ZNF174: variants seen among roughly 807,000 people sequenced by gnomAD.
ZNF174 encodes AW-1.
In ZNF174, 30 loss-of-function variants were observed where a neutral mutation model predicts 38.7. That is an observed-to-expected ratio of 0.78 (90% confidence interval 0.58 to 1.05). The LOEUF (loss-of-function observed/expected upper bound fraction) is 1.05. Among genes scored for constraint, ZNF174 ranks in the 50% least tolerant of loss-of-function variants. The pLI is 0.00. For synonymous variants in ZNF174, 201 were observed against 181.7 expected (o/e 1.11, Z -0.86); for missense variants, 499 against 495.6 (o/e 1.01, Z -0.06).
intron 1 of ZNF174, among the ~76,000 whole-genome samples, chr16:3,403,435 T>G (rs1224695652): frequency 6.6e-6 from 1 of 151,778 alleles, no homozygotes; most frequent in Non-Finnish European, 1.5e-5. Flanking sequence ...CCTCTCAAAG[T>G]GCTGGGATTA....
intron 1 of ZNF174, 82 bp from the exon 2 acceptor site, chr16:3,404,343 TA>T: frequency 2.2e-6 from 3 of 1,390,142 alleles, no homozygotes; most frequent in Non-Finnish European, 2.9e-6. Flanking sequence ...ATTCCCAAGG[TA>T]AACGGGTCAT....
At chr16:3,403,835 T>C (rs1287677508) in intron 1 of ZNF174, among the ~76,000 whole-genome samples, 1 of 152,198 alleles carries the variant, frequency 6.6e-6, no homozygotes, top group Non-Finnish European at 1.5e-5. Flanking sequence ...CTGGCCAGCG[T>C]TGCCATTGCT....
rs886987864 is a variant in ZNF174 at position 3,409,053 on chromosome 16, C to A, written c.*134C>A. The A allele has an allele frequency of 1.9e-6, 2 of 1,041,196 alleles. No homozygotes were observed. The highest frequency in any genetic ancestry group is 2.8e-6 in the Non-Finnish European group (2 of 717,544). The allele number at this position is 1,041,196 out of a possible 1,614,324, so 64.5% of individuals were successfully genotyped here. ...CCCTTGAGGAATGATGATGCACATT[C>A]TGCTGTGAGGAGGCCCAGAAAAGGC... On this transcript the variant is annotated 3_prime_UTR_variant, in exon 3 of 3. Transcript: ENST00000268655.
intron 2 of ZNF174, among the ~76,000 whole-genome samples, chr16:3,406,851 C>G (rs2034062090): frequency 6.6e-6 from 1 of 152,176 alleles, no homozygotes; most frequent in African/African-American, 2.4e-5. Context: ...TCCAAGGGCA[C>G]AAATATGTAC....
In ZNF174 at chr16:3,404,509, A is replaced by T. The variant is rs2034021980; in HGVS notation, c.486A>T (p.Gln162His). Residue 162 changes from glutamine to histidine, a missense_variant, in exon 2 of 3, where the codon CAA becomes CAT. Gln to His is a conservative substitution (Grantham distance 24). Coordinates refer to ENST00000268655, the MANE Select transcript of ZNF174 (RefSeq NM_003450.3). ...GAGAACAGGAACTGCCAGACTTTCA[A>T]CCGCAGACTCCTAGGAGAGATCTCA... ...QLGEQELPDF[Q>H]PQTPRRDLRE... The T allele has an allele frequency of 6.2e-7, 1 of 1,613,856 alleles. No individual in the cohort carries two copies. The highest frequency in any genetic ancestry group is 1.1e-5 in the South Asian group (1 of 91,082).
chr16:3,404,806 G>C, intron 2 of ZNF174, 158 bp downstream of exon 2: 2 of 1,545,870 alleles, frequency 1.3e-6, no homozygotes, highest in Non-Finnish European at 1.8e-6. Context: ...TAATTAGGAT[G>C]GTGGTGATAC....
At position 3,409,090 on chromosome 16, in the gene ZNF174, CA is replaced by C; in HGVS notation, c.*173del. The C allele has an allele frequency of 2.9e-6, 2 of 697,852 alleles. No homozygotes were observed. Among genetic ancestry groups the C allele is most frequent in the Non-Finnish European group, 4.8e-6 (2 of 418,152 alleles). The allele number at this position is 697,852 out of a possible 1,614,324, so 43.2% of individuals were successfully genotyped here. On this transcript the variant is annotated 3_prime_UTR_variant, in exon 3 of 3. Transcript: ENST00000268655. ...GGCCCAGAAAAGGCCAACCAGGGCC[CA>C]ACCGTGCATGATGACAGGGTGAAGA... is the stretch of plus-strand genomic sequence containing the variant.
At position 3,408,928 on chromosome 16, in the gene ZNF174, C is replaced by T. The variant is rs751248590; in HGVS notation, c.*9C>T. 1.3e-6 allele frequency: 2 copies of T among 1,590,108 alleles called. No individual in the cohort carries two copies. The highest frequency in any genetic ancestry group is 1.7e-6 in the Non-Finnish European group (2 of 1,166,802). On this transcript the variant is annotated 3_prime_UTR_variant, in exon 3 of 3. Coordinates refer to ENST00000268655, the MANE Select transcript of ZNF174 (RefSeq NM_003450.3). ...TTCACCATGGGGACTAAAAGGAGCA[C>T]TCCATGCTTTAGATTCACACGGAAG...
intron 1 of ZNF174, 60 bp downstream of exon 1, chr16:3,402,466 T>TC (rs1180461816): frequency 6.5e-7 from 1 of 1,527,206 alleles, no homozygotes; most frequent in African/African-American, 1.4e-5. Flanking sequence ...TTTTTTTTTT[T>TC]TTCTTTTTTT....
At position 3,401,285 on chromosome 16, in the gene ZNF174, G is replaced by A. The variant is rs902329128; in HGVS notation, c.-720G>A. ...TTCCCGGAGAGGTGAGTCGGCTGCA[G>A]GTGGGTGCGGGGCGCCGGGCTGTTC... On this transcript the variant is annotated 5_prime_UTR_variant, in exon 1 of 3. Transcript: ENST00000268655. 4 of 152,668 alleles carry A rather than the reference G, an allele frequency of 2.6e-5. No homozygotes were observed. The highest frequency in any genetic ancestry group is 7.2e-5 in the African/African-American group (3 of 41,480). 9.5% of individuals were successfully genotyped at this position (152,668 alleles called of 1,614,324 possible).
rs1021698651 is a variant in ZNF174, at chr16:3,402,240, T to A, written c.236T>A (p.Leu79Gln). The A allele has an allele frequency of 2.5e-6, 4 of 1,613,994 alleles. No individual in the cohort carries two copies. The highest frequency in any genetic ancestry group is 3.4e-6 in the Non-Finnish European group (4 of 1,180,028). The change falls in exon 1 of 3, where the codon CTG (leucine) becomes CAG (glutamine). Residue 79 changes from leucine to glutamine, a missense_variant. By Grantham distance (113) the Leu-to-Gln change is moderately radical (BLOSUM62 -2). Transcript: ENST00000268655. The stretch of plus-strand genomic sequence containing the variant: ...TGCCGTCAGTGGTTGCAACCCGAGC[T>A]GCACACCAAGGAGCAGATTTTGGAG... The part of the protein sequence containing the change: ...QLCRQWLQPE[L>Q]HTKEQILELL...
At chr16:3,404,842 T>C (rs2034030277) in intron 2 of ZNF174, 194 bp downstream of exon 2, 2 of 1,591,978 alleles carry the variant, frequency 1.3e-6, no homozygotes, top group Non-Finnish European at 1.7e-6. Flanking sequence ...TTTTATCGTT[T>C]TCTGTTAATG....
intron 2 of ZNF174, among the ~76,000 whole-genome samples, chr16:3,405,521 A>C (rs775284203): frequency 2.2e-4 from 33 of 152,148 alleles, no homozygotes; most frequent in Non-Finnish European, 3.2e-4. Flanking sequence ...TCTTTCATGA[A>C]GGCACTAATC....
chr16:3,403,762 C>T (rs2150923274), intron 1 of ZNF174, among the ~76,000 whole-genome samples: 1 of 152,302 alleles, frequency 6.6e-6, no homozygotes, highest in South Asian at 2.1e-4. Flanking sequence ...GCTGGGATTA[C>T]AGGAGTGAGC....
rs1160818570 is a variant in ZNF174, at chr16:3,404,942, C to T, written c.625+294C>T. 1.9e-6 allele frequency: 3 copies of T among 1,614,166 alleles called. No homozygotes were observed. In the East Asian group the frequency reaches 6.7e-5, roughly 36 times the overall value. On this transcript the variant is annotated intron_variant, in intron 2 of 2. Transcript: ENST00000268655. The stretch of plus-strand genomic sequence containing the variant: ...ATAGAAAAGACAGATCCAAATATGG[C>T]CACAGATGAACTTCCATGCAAGCTA...
chr16:3,404,381 C>T (rs768199889), intron 1 of ZNF174, 45 bp from the exon 2 acceptor site: 3 of 1,531,164 alleles, frequency 2.0e-6, no homozygotes, highest in Non-Finnish European at 2.6e-6. Context: ...ATCAAGCTTC[C>T]CTCAGTCCTG....
Position 3,401,851 on chromosome 16 carries a change from G to T in ZNF174, c.-154G>T. The stretch of plus-strand genomic sequence containing the variant: ...TCTTGAGTTTGGCTAGTAAAGGCTA[G>T]CAAGTGAGGCTTTGTCTCTGCATCC... On this transcript the variant is annotated 5_prime_UTR_variant, in exon 1 of 3. Coordinates refer to ENST00000268655, the MANE Select transcript of ZNF174 (RefSeq NM_003450.3). 1.1e-6 allele frequency: 1 copy of T among 928,756 alleles called. No individual in the cohort carries two copies. The highest frequency in any genetic ancestry group is 1.7e-5 in the South Asian group (1 of 59,922). 57.5% of individuals were successfully genotyped at this position (928,756 alleles called of 1,614,324 possible).
At chr16:3,403,150 C>CTTTTTTTTTTTTTTTTTTTTT (rs753071209) in intron 1 of ZNF174, among the ~76,000 whole-genome samples, 2 of 30,938 alleles carry the variant, frequency 6.5e-5, no homozygotes, top group African/African-American at 2.9e-4. Flanking sequence ...AGCTTATAGT[C>CTTTTTTTTTTTTTTTTTTTTT]TTTTTTTTTT....
intron 2 of ZNF174, among the ~76,000 whole-genome samples, chr16:3,406,611 G>C (rs2034059437): frequency 6.6e-6 from 1 of 152,048 alleles, no homozygotes; most frequent in South Asian, 2.1e-4. Context: ...AGATCCTTTG[G>C]TCATTTTTAA....
Sources: gnomAD v4.1 joint callset for allele counts (sites outside exome capture counted in the v4.1 genomes callset) on GRCh38, gnomAD v4.1.1 for gene constraint, MANE v1.5 for transcripts, NCBI Gene and HGNC (gene_info 2026-07-23, HGNC 2026-07-21) for gene names.